RIMKLB: variants seen among roughly 807,000 people sequenced by gnomAD.
RIMKLB encodes beta-citrylglutamate synthase B.
RIMKLB carries 7 observed loss-of-function variants against 32.0 expected under a neutral mutation model. That is an observed-to-expected ratio of 0.22 (90% CI 0.12 to 0.41). The LOEUF (loss-of-function observed/expected upper bound fraction) is 0.41, where lower values mean the gene tolerates loss of function less well. RIMKLB is among the 10% of genes least tolerant of loss of function. RIMKLB has a pLI of 1.00. For missense variants in RIMKLB, 289 were observed against 498.7 expected (o/e 0.58, Z 4.00); for synonymous variants, 172 against 185.1 (o/e 0.93, Z 0.57).
At chr12:8,671,936 C>CA in the RIMKLB span, among the ~76,000 whole-genome samples, 141 of 151,818 alleles carry the variant, frequency 9.3e-4, no homozygotes, top group African/African-American at 3.2e-3. Context: ...CAAAACAAAA[C>CA]AAAGCCTGAA....
Position 8,748,803 on chromosome 12 carries a change from G to A in RIMKLB, c.176-1059G>A, listed in dbSNP as rs146954397. ...AATACAAAAAAATTTGCCAGGCATG[G>A]TGGCGGACGCCTGTAGTCCCAGCCA... is the stretch of plus-strand genomic sequence containing the variant. On this transcript the variant is annotated intron_variant, in intron 2 of 5. Coordinates refer to ENST00000535829, the MANE Select transcript of RIMKLB (RefSeq NM_001297776.2). 3.1e-3 allele frequency among the ~76,000 whole-genome samples: 465 copies of A among 151,966 alleles called. 6 individuals carry two copies. The highest frequency in any genetic ancestry group is 0.011 in the African/African-American group (444 of 41,450).
intron 4 of RIMKLB, 127 bp downstream of exon 4, chr12:8,752,170 A>G (rs1948667172): frequency 1.6e-6 from 1 of 632,072 alleles, no homozygotes; most frequent in Non-Finnish European, 2.8e-6. Flanking sequence ...ACAGAAGGCT[A>G]CTATGAGTTG....
intron 5 of RIMKLB, among the ~76,000 whole-genome samples, chr12:8,771,294 CTGGAATGAGGTCTTA>C (rs1380968331): frequency 6.6e-6 from 1 of 152,084 alleles, no homozygotes; most frequent in Non-Finnish European, 1.5e-5. Flanking sequence ...AGGACCTCAT[CTGGAATGAGGTCTTA>C]TGACCCACAA....
intron 1 of RIMKLB, among the ~76,000 whole-genome samples, chr12:8,692,160 C>G (rs1942751667): frequency 6.6e-6 from 1 of 152,164 alleles, no homozygotes; most frequent in African/African-American, 2.4e-5. Context: ...GAAATCAGGA[C>G]TAGGAAATTG....
chr12:8,735,779 G>A (rs1323907296), intron 2 of RIMKLB, among the ~76,000 whole-genome samples: 1 of 151,750 alleles, frequency 6.6e-6, no homozygotes. Flanking sequence ...TGCTCAGGCT[G>A]GAGTGCAATG....
chr12:8,687,020 C>T (rs1942598130), intron 1 of RIMKLB, among the ~76,000 whole-genome samples: 1 of 152,110 alleles, frequency 6.6e-6, no homozygotes, highest in Non-Finnish European at 1.5e-5. Context: ...TTGGCGACCA[C>T]CTTCAAGTGA....
At chr12:8,742,572 G>A in intron 2 of RIMKLB, 1 of 342,804 alleles carries the variant, frequency 2.9e-6, no homozygotes, top group Non-Finnish European at 5.6e-6. Flanking sequence ...GATGGCATCT[G>A]CATCATCAAT....
chr12:8,777,481 TTCTA>T (rs1346819587), downstream of RIMKLB: 1 of 1,115,996 alleles, frequency 9.0e-7, no homozygotes, highest in Non-Finnish European at 1.1e-6. Context: ...TGAAAATTCT[TTCTA>T]TATTAATGAA....
intron 5 of RIMKLB, among the ~76,000 whole-genome samples, chr12:8,769,440 TTTG>T (rs1950234300): frequency 6.6e-6 from 1 of 152,160 alleles, no homozygotes; most frequent in Non-Finnish European, 1.5e-5. Context: ...ATAGCTAAGT[TTTG>T]TTTTTTATTC....
At chr12:8,781,750 A>C (rs1951066227), downstream of RIMKLB, among the ~76,000 whole-genome samples, 4 of 152,068 alleles carry the variant, frequency 2.6e-5, no homozygotes, top group South Asian at 8.3e-4. Context: ...CTCTCTCCCC[A>C]CTTTTCATTT....
intron 1 of RIMKLB, among the ~76,000 whole-genome samples, chr12:8,687,431 T>G (rs1942608685): frequency 6.6e-6 from 1 of 152,198 alleles, no homozygotes; most frequent in African/African-American, 2.4e-5. Flanking sequence ...CCTCCTTCTG[T>G]GGTCACTTCT....
Position 8,773,485 on chromosome 12 carries a change from G to A in RIMKLB, c.862G>A (p.Asp288Asn). Reference sequence around the variant, plus strand: ...TGCAAATGTAGGTTTCATCGCCTTTGATAAGGCTTGTAATCTAGATGTAGC... The same window carrying A: ...TGCAAATGTAGGTTTCATCGCCTTTAATAAGGCTTGTAATCTAGATGTAGC... ...ANANVGFIAFDKACNLDVAGI... is the reference protein window; with the variant it reads ...ANANVGFIAFNKACNLDVAGI... Residue 288 changes from aspartate to asparagine, a missense_variant, in exon 6 of 6, where the codon GAT becomes AAT. Transcript: ENST00000535829. 6.2e-7 allele frequency: 1 copy of A among 1,614,234 alleles called. No individual in the cohort carries two copies. Among genetic ancestry groups the A allele is most frequent in the South Asian group, 1.1e-5 (1 of 91,088 alleles).
intron 2 of RIMKLB, among the ~76,000 whole-genome samples, chr12:8,741,377 TAA>T (rs1178894866): frequency 7.8e-6 from 1 of 129,032 alleles, no homozygotes; most frequent in African/African-American, 2.9e-5. Flanking sequence ...GACTCCACCT[TAA>T]AAAAAAAAAG....
intron 2 of RIMKLB, among the ~76,000 whole-genome samples, chr12:8,721,530 G>T (rs1182031781): frequency 6.6e-6 from 1 of 152,148 alleles, no homozygotes; most frequent in Non-Finnish European, 1.5e-5. Context: ...CAACTCATCT[G>T]TTCAGCAATC....
At chr12:8,728,145 T>C (rs777842550) in intron 2 of RIMKLB, among the ~76,000 whole-genome samples, 2 of 152,204 alleles carry the variant, frequency 1.3e-5, no homozygotes, top group Non-Finnish European at 2.9e-5. Flanking sequence ...CAGTTTTTGC[T>C]TGTTGTCTAC....
chr12:8,675,446 C>T, the RIMKLB span, among the ~76,000 whole-genome samples: 1 of 152,140 alleles, frequency 6.6e-6, no homozygotes, highest in Non-Finnish European at 1.5e-5. Context: ...TTTTACTGTA[C>T]TTTCTCCCTC....
intron 5 of RIMKLB, among the ~76,000 whole-genome samples, chr12:8,754,590 G>T (rs140952524): frequency 6.6e-5 from 10 of 152,006 alleles, no homozygotes; most frequent in Admixed American, 6.6e-4. Context: ...TAGTAATCTT[G>T]TACAGCTCAT....
chr12:8,700,543 A>G (rs1443162946), intron 1 of RIMKLB: 2 of 152,224 alleles, frequency 1.3e-5, no homozygotes, highest in Non-Finnish European at 2.9e-5. Flanking sequence ...CTGAGTGAAA[A>G]TGGGTGGAGG....
At chr12:8,734,298 C>T (rs1235363772) in intron 2 of RIMKLB, among the ~76,000 whole-genome samples, 2 of 152,230 alleles carry the variant, frequency 1.3e-5, no homozygotes, top group East Asian at 3.9e-4. Flanking sequence ...GGGAGCAGTT[C>T]AAAGCTGTTC....
Sources: allele counts gnomAD v4.1 joint callset (sites outside exome capture counted in the v4.1 genomes callset), GRCh38; gene constraint gnomAD v4.1.1; transcripts MANE v1.5; gene names NCBI Gene and HGNC (gene_info 2026-07-23, HGNC 2026-07-21).